The following PTPRM variants were observed in gnomAD, a reference collection of about 807,000 sequenced individuals.
PTPRM encodes the protein receptor-type tyrosine-protein phosphatase mu.
Under a neutral mutation model 186.7 loss-of-function variants are expected in PTPRM, and 47 were observed. The ratio of observed to expected loss-of-function variants is 0.25; its 90% CI spans 0.20 to 0.32. The LOEUF (loss-of-function observed/expected upper bound fraction) is 0.32. PTPRM is among the 10% of genes least tolerant of loss of function. The pLI, the probability that PTPRM is intolerant of heterozygous loss-of-function variation, is 1.00. For synonymous variants in PTPRM, 668 were observed against 674.9 expected, an observed-to-expected ratio of 0.99 and a Z score of 0.16; for missense variants, 1,494 against 1,865.0, an observed-to-expected ratio of 0.80 and a Z score of 3.66.
intron 7 of PTPRM, among the ~76,000 whole-genome samples, chr18:7,986,208 C>T (rs2082955421): frequency 6.6e-6 from 1 of 152,206 alleles, no homozygotes; most frequent in Admixed American, 6.5e-5. Context: ...CTCAGTAGTG[C>T]GTAACAGGAT....
intron 14 of PTPRM, among the ~76,000 whole-genome samples, chr18:8,161,272 G>C (rs919732946): frequency 6.6e-6 from 1 of 152,052 alleles, no homozygotes; most frequent in Non-Finnish European, 1.5e-5. Flanking sequence ...TGCATCTGTT[G>C]GTTGCAGTTT....
intron 7 of PTPRM, among the ~76,000 whole-genome samples, chr18:7,996,089 G>T (rs952696195): frequency 2.0e-5 from 3 of 151,882 alleles, no homozygotes; most frequent in Admixed American, 1.3e-4. Flanking sequence ...TCAAGGTTTT[G>T]TAAAAGAGAC....
chr18:7,589,377 C>T (rs767250292), intron 1 of PTPRM, among the ~76,000 whole-genome samples: 12 of 152,144 alleles, frequency 7.9e-5, no homozygotes, highest in East Asian at 1.9e-4. Context: ...AGCACAGAAA[C>T]GGGTGCCCTT....
At chr18:7,751,001 C>G (rs2144618515) in intron 1 of PTPRM, 1 of 139,930 alleles carries the variant, frequency 7.1e-6, no homozygotes, top group East Asian at 2.5e-4. Context: ...GAAGGACAGA[C>G]ACTGTGCTTT....
At chr18:8,353,351 T>C (rs755182770) in intron 23 of PTPRM, among the ~76,000 whole-genome samples, 6 of 152,214 alleles carry the variant, frequency 3.9e-5, no homozygotes, top group Non-Finnish European at 8.8e-5. Flanking sequence ...AATCGTGTTC[T>C]AATTGGTATT....
At chr18:7,953,747 C>T (rs903542468) in intron 6 of PTPRM, among the ~76,000 whole-genome samples, 8 of 152,100 alleles carry the variant, frequency 5.3e-5, no homozygotes, top group Non-Finnish European at 1.5e-5. Flanking sequence ...CAGGTGCAAA[C>T]CTCATGTGGT....
rs1438718271 is a variant in PTPRM at position 8,126,020 on chromosome 18, TATATA to T, written c.2167+11194_2167+11198del. Among the ~76,000 whole-genome samples, 68 of 41,800 alleles carry T rather than the reference TATATA, an allele frequency of 1.6e-3. 4 individuals carry two copies. The East Asian group carries it at 0.022, about 14-fold the overall frequency. The allele number at this position is 41,800 out of a possible 152,430, so 27.4% of individuals were successfully genotyped here. A position where few individuals can be genotyped will look rare whatever the true frequency, so the allele number is the denominator to read the frequency against. ...ATATATATATATATATATATATATATATATATATTTTAAATCAGTAGACCTTTCCA... is the reference window on the plus strand; with the variant it reads ...ATATATATATATATATATATATATATTATTTTAAATCAGTAGACCTTTCCA... On this transcript the variant is annotated intron_variant, in intron 13 of 32. Transcript: ENST00000580170.
intron 26 of PTPRM, chr18:8,377,648 A>G (rs1331125238): frequency 6.6e-6 from 1 of 152,178 alleles, no homozygotes; most frequent in Non-Finnish European, 1.5e-5. Flanking sequence ...AACTTCCCAT[A>G]TAACTAAAGA....
chr18:8,063,908 G>A (rs531652350), intron 7 of PTPRM, among the ~76,000 whole-genome samples: 21 of 152,270 alleles, frequency 1.4e-4, no homozygotes, highest in African/African-American at 5.1e-4. Context: ...TGGACATACT[G>A]CATTACCTAA....
chr18:8,038,275 T>C (rs1199740526), intron 7 of PTPRM, among the ~76,000 whole-genome samples: 1 of 152,160 alleles, frequency 6.6e-6, no homozygotes, highest in Non-Finnish European at 1.5e-5. Context: ...TCATTGGTTT[T>C]AGTGAGAAAC....
intron 14 of PTPRM, among the ~76,000 whole-genome samples, chr18:8,199,267 G>GT (rs1327458129): frequency 6.6e-6 from 1 of 152,208 alleles, no homozygotes; most frequent in Non-Finnish European, 1.5e-5. Context: ...GAAGTGTGGA[G>GT]TTTAAGTAAC....
chr18:8,374,368 C>T (rs2095682493), intron 24 of PTPRM, among the ~76,000 whole-genome samples: 2 of 152,124 alleles, frequency 1.3e-5, no homozygotes, highest in South Asian at 4.2e-4. Context: ...AGATATGCCC[C>T]TTTTTTCCCC....
chr18:8,149,666 A>T (rs960120412), intron 14 of PTPRM, among the ~76,000 whole-genome samples: 2 of 135,310 alleles, frequency 1.5e-5, no homozygotes, highest in Non-Finnish European at 3.2e-5. Flanking sequence ...TAATATTGTT[A>T]TATGTGAATT....
At chr18:8,390,856 A>T (rs1334394420) in intron 31 of PTPRM, among the ~76,000 whole-genome samples, 1 of 151,934 alleles carries the variant, frequency 6.6e-6, no homozygotes, top group Non-Finnish European at 1.5e-5. Context: ...TGAACCCGGG[A>T]GGCGGAGCTT....
intron 5 of PTPRM, among the ~76,000 whole-genome samples, chr18:7,935,518 T>C (rs1444265533): frequency 6.6e-6 from 1 of 152,164 alleles, no homozygotes; most frequent in Non-Finnish European, 1.5e-5. Flanking sequence ...CTTTGTGATA[T>C]TATCTAACTC....
chr18:8,185,924 C>T lies in PTPRM; in HGVS notation c.2300+42145C>T, dbSNP rs138852996. ...TACCTCCTCCATACACAGTCCTGTT[C>T]CCCAGGGGGAAATCTGGTTTCTAAA... On this transcript the variant is annotated intron_variant, in intron 14 of 32. Coordinates refer to ENST00000580170, the MANE Select transcript of PTPRM (RefSeq NM_001105244.2). Among the ~76,000 whole-genome samples the T allele has an allele frequency of 3.4e-4, 52 of 152,250 alleles. No homozygotes were observed. In the South Asian group the frequency reaches 3.5e-3, roughly 10 times the overall value.
chr18:7,820,892 A>G (rs1164591176), intron 2 of PTPRM, among the ~76,000 whole-genome samples: 14 of 152,020 alleles, frequency 9.2e-5, no homozygotes, highest in Admixed American at 7.2e-4. Flanking sequence ...GCGGCATGGA[A>G]ATAGAGCAGC....
chr18:8,011,725 A>T (rs1291335355), intron 7 of PTPRM, among the ~76,000 whole-genome samples: 1 of 152,218 alleles, frequency 6.6e-6, no homozygotes, highest in Non-Finnish European at 1.5e-5. Context: ...CACAGGTGAC[A>T]TGCAGAATGC....
At chr18:8,015,290 T>C (rs8085855) in intron 7 of PTPRM, among the ~76,000 whole-genome samples, 4,231 of 152,352 alleles carry the variant, frequency 0.028, 116 homozygotes, top group African/African-American at 0.071. Context: ...CAGAAACAGT[T>C]GATTGACACA....
Sources: allele counts gnomAD v4.1 joint callset (sites outside exome capture counted in the v4.1 genomes callset), GRCh38; gene constraint gnomAD v4.1.1; transcripts MANE v1.5; gene names NCBI Gene and HGNC (gene_info 2026-07-23, HGNC 2026-07-21).